KALRN: variants seen among roughly 807,000 people sequenced by gnomAD.
KALRN encodes kalirin.
In KALRN, 70 loss-of-function variants were observed where a neutral mutation model predicts 353.7. The ratio of observed to expected loss-of-function variants is 0.20; its 90% CI spans 0.16 to 0.24. The LOEUF is 0.24. Ranked by LOEUF, KALRN falls within the 10% of genes least tolerant of loss-of-function variation. KALRN has a pLI of 1.00. For missense variants in KALRN, 2,791 were observed against 3,756.7 expected (o/e 0.74, Z 6.72); for synonymous variants, 1,391 against 1,434.8 (o/e 0.97, Z 0.69).
At chr3:124,468,877 T>C (rs1394747935) in intron 25 of KALRN, among the ~76,000 whole-genome samples, 1 of 152,250 alleles carries the variant, frequency 6.6e-6, no homozygotes, top group Non-Finnish European at 1.5e-5. Context: ...TGTGGTCTTG[T>C]TACTGTTGTT....
chr3:124,348,105 A>C (rs2082462637), intron 10 of KALRN, among the ~76,000 whole-genome samples: 1 of 152,174 alleles, frequency 6.6e-6, no homozygotes, highest in South Asian at 2.1e-4. Context: ...CTCTCCAGTT[A>C]TTTTATCAGG....
At chr3:124,549,167 A>C (rs898097961) in intron 33 of KALRN, among the ~76,000 whole-genome samples, 4 of 147,872 alleles carry the variant, frequency 2.7e-5, no homozygotes, top group African/African-American at 1.0e-4. Flanking sequence ...TGCTGAGTTC[A>C]AAACCCAGAT....
intron 34 of KALRN, among the ~76,000 whole-genome samples, chr3:124,630,417 G>A (rs1409799324): frequency 7.5e-6 from 1 of 133,700 alleles, no homozygotes; most frequent in African/African-American, 2.7e-5. Context: ...TTTGTTTTGA[G>A]ATGGAGTCTC....
chr3:124,311,186 G>A (rs568657845), intron 6 of KALRN, among the ~76,000 whole-genome samples: 10 of 148,250 alleles, frequency 6.7e-5, no homozygotes, highest in Admixed American at 2.1e-4. Flanking sequence ...CTGGACAGGC[G>A]CAGTGGCTCA....
rs1178690899 is a variant in KALRN, at chr3:124,492,564, A to G, written c.4690-176A>G. On this transcript the variant is annotated intron_variant, in intron 31 of 59. Coordinates refer to ENST00000682506, the MANE Select transcript of KALRN (RefSeq NM_001388419.1). ...CTTGAGGTCGGAGCACTGTTCTGGG[A>G]GTTGGAGAAGCCTGTTTCTGGTATT... Among the ~76,000 whole-genome samples the G allele has an allele frequency of 3.3e-5, 5 of 152,178 alleles. No individual in the cohort carries two copies. The East Asian group carries it at 9.6e-4, about 29-fold the overall frequency.
At chr3:124,351,719 G>C (rs2082855030) in intron 10 of KALRN, among the ~76,000 whole-genome samples, 1 of 152,186 alleles carries the variant, frequency 6.6e-6, no homozygotes, top group South Asian at 2.1e-4. Context: ...TATTAAAATA[G>C]ATGTAAATGA....
At chr3:124,285,829 C>T (rs538540447) in intron 5 of KALRN, among the ~76,000 whole-genome samples, 31 of 152,322 alleles carry the variant, frequency 2.0e-4, no homozygotes, top group African/African-American at 7.5e-4. Flanking sequence ...AGCCACTGCA[C>T]CCTGCTTAAA....
rs748216878 is a variant in KALRN, at chr3:124,666,975, T to C, written c.6532-37T>C. 1.9e-6 allele frequency: 3 copies of C among 1,562,770 alleles called. No homozygotes were observed. The African/African-American group carries it at 4.1e-5, about 21-fold the overall frequency. ...ATATGTTGCTGATTTTTAAAAAATC[T>C]TTTAAATGTAAAAAGGATCAACTCG... On this transcript the variant is annotated intron_variant, in intron 46 of 59. Coordinates refer to ENST00000682506, the MANE Select transcript of KALRN (RefSeq NM_001388419.1).
intron 5 of KALRN, among the ~76,000 whole-genome samples, chr3:124,285,220 G>A (rs2075719568): frequency 6.6e-6 from 1 of 152,156 alleles, no homozygotes; most frequent in Non-Finnish European, 1.5e-5. Flanking sequence ...CTGGATGTTA[G>A]GGAATCAATG....
At chr3:124,301,845 A>G (rs184767859) in intron 6 of KALRN, among the ~76,000 whole-genome samples, 2 of 152,332 alleles carry the variant, frequency 1.3e-5, no homozygotes, top group Admixed American at 1.3e-4. Context: ...ACACACACAT[A>G]TACATATACC....
intron 23 of KALRN, among the ~76,000 whole-genome samples, chr3:124,460,508 T>C (rs2059748201): frequency 6.6e-6 from 1 of 152,240 alleles, no homozygotes; most frequent in Non-Finnish European, 1.5e-5. Flanking sequence ...GCCGTCAGTT[T>C]ATGTTCCTTC....
intron 33 of KALRN, among the ~76,000 whole-genome samples, chr3:124,502,036 C>T (rs2064636008): frequency 6.6e-6 from 1 of 152,200 alleles, no homozygotes; most frequent in African/African-American, 2.4e-5. Flanking sequence ...ACATTATTTT[C>T]CCTGTAGGGA....
intron 1 of KALRN, among the ~76,000 whole-genome samples, chr3:124,117,536 A>G (rs945678422): frequency 2.0e-5 from 3 of 151,770 alleles, no homozygotes; most frequent in African/African-American, 7.3e-5. Context: ...GGCTAATATC[A>G]CTCAGCTGAT....
chr3:124,602,852 T>C (rs2076942956), intron 34 of KALRN, among the ~76,000 whole-genome samples: 1 of 152,236 alleles, frequency 6.6e-6, no homozygotes, highest in African/African-American at 2.4e-5. Context: ...AGAGATTAAA[T>C]GATTCTCCCA....
intron 17 of KALRN, among the ~76,000 whole-genome samples, chr3:124,438,557 G>C (rs1316456945): frequency 6.6e-6 from 1 of 151,534 alleles, no homozygotes; most frequent in Non-Finnish European, 1.5e-5. Flanking sequence ...CTAATTTATA[G>C]TTATTGTGAG....
chr3:124,441,866 AAGG>A (rs2093678012), intron 18 of KALRN, 76 bp from the exon 19 acceptor site: 1 of 799,304 alleles, frequency 1.3e-6, no homozygotes, highest in African/African-American at 1.8e-5. Flanking sequence ...ATATGGAAGG[AAGG>A]AGGGTATGCC....
At chr3:124,608,580 C>A (rs1324908360) in intron 34 of KALRN, among the ~76,000 whole-genome samples, 3 of 152,136 alleles carry the variant, frequency 2.0e-5, no homozygotes, top group African/African-American at 7.2e-5. Context: ...GTTTTTGCTT[C>A]TCCCTAGCTC....
chr3:124,430,694 C>G lies in KALRN; in HGVS notation c.2748C>G (p.Asn916Lys). ...GWIRNGESMLNASLVNASSLS... is the reference protein window; with the variant it reads ...GWIRNGESMLKASLVNASSLS... ...TCCGCAATGGAGAGTCAATGCTCAA[C>G]GCCAGCCTGGTCAATGCCAGCTCTT... The change falls in exon 16 of 60, where the codon AAC (asparagine) becomes AAG (lysine). Residue 916 changes from asparagine to lysine, a missense_variant. Physicochemically the swap from Asn to Lys is moderately conservative, Grantham distance 94 (BLOSUM62 0). Coordinates refer to ENST00000682506, the MANE Select transcript of KALRN (RefSeq NM_001388419.1). 1 of 1,614,176 alleles carries G rather than the reference C, an allele frequency of 6.2e-7. No individual in the cohort carries two copies. The highest frequency in any genetic ancestry group is 1.1e-5 in the South Asian group (1 of 91,084).
chr3:124,627,038 A>T (rs142449130), intron 34 of KALRN, among the ~76,000 whole-genome samples: 484 of 152,346 alleles, frequency 3.2e-3, no homozygotes, highest in Non-Finnish European at 5.1e-3. Context: ...TAGCTGTTTT[A>T]TCTAGAAAGA....
Sources: gnomAD v4.1 joint callset for allele counts (sites outside exome capture counted in the v4.1 genomes callset) on GRCh38, gnomAD v4.1.1 for gene constraint, MANE v1.5 for transcripts, NCBI Gene and HGNC (gene_info 2026-07-23, HGNC 2026-07-21) for gene names.